The following MARCHF8 variants were observed in gnomAD, a reference collection of about 807,000 sequenced individuals.
MARCHF8 encodes membrane associated ring-CH-type finger 8.
In MARCHF8, 40 loss-of-function variants were observed where a neutral mutation model predicts 51.6. That is an observed-to-expected ratio of 0.77 (90% CI 0.60 to 1.01). The LOEUF (loss-of-function observed/expected upper bound fraction) is 1.01, where lower values mean the gene tolerates loss of function less well. MARCHF8 is among the 50% of genes least tolerant of loss of function. The pLI is 0.00. For synonymous variants in MARCHF8, 263 were observed against 280.3 expected, an observed-to-expected ratio of 0.94 and a Z score of 0.62; for missense variants, 685 against 708.6, an observed-to-expected ratio of 0.97 and a Z score of 0.38.
intron 2 of MARCHF8, among the ~76,000 whole-genome samples, chr10:45,517,800 T>A (rs533911034): frequency 9.2e-5 from 14 of 152,342 alleles, no homozygotes; most frequent in African/African-American, 2.9e-4. Flanking sequence ...TATACCTTCA[T>A]GAAAGTCTAT....
intron 2 of MARCHF8, among the ~76,000 whole-genome samples, chr10:45,511,468 G>C (rs1287832591): frequency 1.3e-5 from 2 of 152,156 alleles, no homozygotes; most frequent in African/African-American, 2.4e-5. Flanking sequence ...GCCGAAGCTG[G>C]ACTGTACTGC....
In MARCHF8 at chr10:45,463,273, C is replaced by T; in HGVS notation, c.966G>A (p.Lys322=). Residue 322 remains lysine (K), a synonymous_variant, in exon 5 of 8, where the codon AAG becomes AAA. Coordinates refer to ENST00000453424, the MANE Select transcript of MARCHF8 (RefSeq NM_001282866.2). ...AGAGGGGCGCCCGCAGAACCCTACT[C>T]TTCAGTTTTGCAGATGTGCTGTCCT... ...VFEDSTSAKL[K]SRVLRAPLCS... 2 of 1,550,976 alleles carry T rather than the reference C, an allele frequency of 1.3e-6. No homozygotes were observed. The highest frequency in any genetic ancestry group is 1.7e-6 in the Non-Finnish European group (2 of 1,147,086).
intron 3 of MARCHF8, among the ~76,000 whole-genome samples, chr10:45,482,849 C>T (rs1047136508): frequency 4.6e-5 from 7 of 152,148 alleles, no homozygotes; most frequent in East Asian, 1.9e-4. Flanking sequence ...GTACTTACTG[C>T]GAACTGATTT....
chr10:45,519,878 A>G (rs561494577), intron 2 of MARCHF8, among the ~76,000 whole-genome samples: 2 of 152,242 alleles, frequency 1.3e-5, no homozygotes, highest in African/African-American at 4.8e-5. Flanking sequence ...GCGCATTAAG[A>G]GCAAAGTCGG....
upstream of MARCHF8, among the ~76,000 whole-genome samples, chr10:45,537,760 T>G (rs1043747493): frequency 2.0e-5 from 3 of 151,768 alleles, no homozygotes; most frequent in Non-Finnish European, 4.4e-5. Flanking sequence ...GATAAATCTA[T>G]AGAGACAGAA....
At chr10:45,487,376 G>C (rs1219574688) in intron 3 of MARCHF8, among the ~76,000 whole-genome samples, 3 of 152,112 alleles carry the variant, frequency 2.0e-5, no homozygotes, top group African/African-American at 4.8e-5. Flanking sequence ...TAAAGCATAG[G>C]ATGTCCTCCT....
intron 2 of MARCHF8, among the ~76,000 whole-genome samples, chr10:45,525,362 T>C (rs887516084): frequency 6.6e-6 from 1 of 152,204 alleles, no homozygotes; most frequent in Non-Finnish European, 1.5e-5. Context: ...GATCATTGAA[T>C]TACCTTCTTA....
rs34757159 is a variant in MARCHF8, at chr10:45,486,804, CTT to C, written c.153+2561_153+2562del. ...CCCTGAAGGTTGTATTATTACCCTA[CTT>C]TTTTTTTTTTTTTTTTTTTTGAGAC... On this transcript the variant is annotated intron_variant, in intron 3 of 7. Transcript: ENST00000453424. Among the ~76,000 whole-genome samples the C allele has an allele frequency of 6.9e-3, 651 of 94,554 alleles. 1 individual carries two copies. Among genetic ancestry groups the C allele is most frequent in the East Asian group, 0.032 (101 of 3,176 alleles). 62.0% of individuals were successfully genotyped at this position (94,554 alleles called of 152,430 possible). A position where few individuals can be genotyped will look rare whatever the true frequency, so the allele number is the denominator to read the frequency against.
chr10:45,465,018 C>T (rs933893318), intron 3 of MARCHF8, among the ~76,000 whole-genome samples: 3 of 152,104 alleles, frequency 2.0e-5, no homozygotes, highest in African/African-American at 7.2e-5. Context: ...TGGGATAGAA[C>T]AGAGTCTCTG....
At chr10:45,530,705 C>T (rs1478002639) in intron 2 of MARCHF8, among the ~76,000 whole-genome samples, 1 of 152,140 alleles carries the variant, frequency 6.6e-6, no homozygotes. Context: ...CCCAGGAGTT[C>T]GTGGCTGCGG....
At chr10:45,555,493 T>C (rs1419914743) in intron 1 of MARCHF8, among the ~76,000 whole-genome samples, 3 of 152,034 alleles carry the variant, frequency 2.0e-5, no homozygotes, top group Non-Finnish European at 4.4e-5. Flanking sequence ...TCTCAGTACT[T>C]TGTGAGGCCG....
intron 2 of MARCHF8, among the ~76,000 whole-genome samples, chr10:45,494,159 T>C (rs980672045): frequency 6.6e-6 from 1 of 152,220 alleles, no homozygotes; most frequent in Admixed American, 6.5e-5. Flanking sequence ...AGAGAAGCTC[T>C]GCTGAAGAAT....
intron 2 of MARCHF8, among the ~76,000 whole-genome samples, chr10:45,514,982 A>C (rs1423494373): frequency 6.6e-6 from 1 of 152,210 alleles, no homozygotes; most frequent in Non-Finnish European, 1.5e-5. Flanking sequence ...GCAGACCATC[A>C]TCACAGGGTG....
chr10:45,495,834 GAAAAGAGA>G (rs926751493), intron 2 of MARCHF8, among the ~76,000 whole-genome samples: 13 of 147,006 alleles, frequency 8.8e-5, no homozygotes, highest in African/African-American at 3.3e-4. Context: ...GAAGAAAAGA[GAAAAGAGA>G]AAAAAGAAAA....
At chr10:45,491,598 T>C (rs1589115061) in intron 2 of MARCHF8, among the ~76,000 whole-genome samples, 1 of 152,290 alleles carries the variant, frequency 6.6e-6, no homozygotes, top group East Asian at 1.9e-4. Flanking sequence ...ATCATATTAT[T>C]CACACATTCA....
intron 2 of MARCHF8, among the ~76,000 whole-genome samples, chr10:45,507,656 A>G (rs1159434415): frequency 6.6e-6 from 1 of 152,186 alleles, no homozygotes; most frequent in African/African-American, 2.4e-5. Context: ...AGAAGACCCT[A>G]CATCCAACAT....
chr10:45,482,992 A>G (rs1359580383), intron 3 of MARCHF8, among the ~76,000 whole-genome samples: 1 of 152,202 alleles, frequency 6.6e-6, no homozygotes, highest in Non-Finnish European at 1.5e-5. Context: ...AAATCAACTC[A>G]AGATGGACTA....
intron 1 of MARCHF8, among the ~76,000 whole-genome samples, chr10:45,561,274 A>G (rs1481170220): frequency 6.6e-6 from 1 of 150,538 alleles, no homozygotes; most frequent in African/African-American, 2.4e-5. Context: ...TATGAAACAG[A>G]ATTTTTTTTT....
At chr10:45,549,188 T>C (rs1477615542) in intron 1 of MARCHF8, among the ~76,000 whole-genome samples, 2 of 152,122 alleles carry the variant, frequency 1.3e-5, no homozygotes, top group Non-Finnish European at 2.9e-5. Flanking sequence ...ATAAACCTGT[T>C]TACTTTGCTG....
Sources: allele counts gnomAD v4.1 joint callset (sites outside exome capture counted in the v4.1 genomes callset), GRCh38; gene constraint gnomAD v4.1.1; transcripts MANE v1.5; gene names NCBI Gene and HGNC (gene_info 2026-07-23, HGNC 2026-07-21).